The following SPAG9 variants were observed in gnomAD, a reference collection of about 807,000 sequenced individuals.
SPAG9 encodes C-Jun-amino-terminal kinase-interacting protein 4.
Under a neutral mutation model 166.5 loss-of-function variants are expected in SPAG9, and 35 were observed. That is an observed-to-expected ratio of 0.21 (90% CI 0.16 to 0.28). The LOEUF (loss-of-function observed/expected upper bound fraction) is 0.28, where lower values mean the gene tolerates loss of function less well. Among genes scored for constraint, SPAG9 ranks in the 10% least tolerant of loss-of-function variants. The pLI is 1.00. For missense variants in SPAG9, 1,235 were observed against 1,603.3 expected, an observed-to-expected ratio of 0.77 and a Z score of 3.92; for synonymous variants, 534 against 565.5, an observed-to-expected ratio of 0.94 and a Z score of 0.79.
intron 2 of SPAG9, among the ~76,000 whole-genome samples, chr17:51,073,668 A>G (rs1413448360): frequency 1.3e-5 from 2 of 152,148 alleles, no homozygotes; most frequent in Non-Finnish European, 2.9e-5. Flanking sequence ...CTCTGAAGAA[A>G]ATTTAAGATA....
chr17:51,037,662 G>GTT (rs1417055791), intron 5 of SPAG9, among the ~76,000 whole-genome samples: 175 of 59,810 alleles, frequency 2.9e-3, no homozygotes, highest in Middle Eastern at 0.014. Context: ...AAATATATGT[G>GTT]TTTTATATAT....
rs1238790277 is a variant in SPAG9, at chr17:50,998,694, G to A, written c.1665-77C>T. Reference sequence around the variant, plus strand: ...TTGATTTTCCACAAACTTTAATGTTGAAGAAAATTTCAGAGTACTTTTACA... The same window carrying A: ...TTGATTTTCCACAAACTTTAATGTTAAAGAAAATTTCAGAGTACTTTTACA... On this transcript the variant is annotated intron_variant, in intron 14 of 29. Coordinates refer to ENST00000262013, the MANE Select transcript of SPAG9 (RefSeq NM_001130528.3). 2.1e-6 allele frequency: 3 copies of A among 1,409,012 alleles called. No individual in the cohort carries two copies. The African/African-American group carries it at 4.3e-5, about 20-fold the overall frequency. 87.3% of individuals were successfully genotyped at this position (1,409,012 alleles called of 1,614,324 possible). A position where few individuals can be genotyped will look rare whatever the true frequency, so the allele number is the denominator to read the frequency against.
intron 2 of SPAG9, among the ~76,000 whole-genome samples, chr17:51,075,032 A>G (rs2047927018): frequency 6.6e-6 from 1 of 151,702 alleles, no homozygotes; most frequent in Admixed American, 6.6e-5. Flanking sequence ...CCCCATCTCT[A>G]CAAATATACA....
rs765781809 is a variant in SPAG9 at position 50,979,732 on chromosome 17, C to T, written c.3409+14G>A. On this transcript the variant is annotated intron_variant, in intron 26 of 29. Coordinates refer to ENST00000262013, the MANE Select transcript of SPAG9 (RefSeq NM_001130528.3). ...CTCTTTGACTGGTAAAGATAAAACG[C>T]GTTGGAAGCTTACCTAACATTTTGC... 18 of 1,600,972 alleles carry T rather than the reference C, an allele frequency of 1.1e-5. No individual in the cohort carries two copies. The South Asian group carries it at 1.4e-4, about 13-fold the overall frequency.
chr17:51,074,134 G>T (rs1042061193), intron 2 of SPAG9, among the ~76,000 whole-genome samples: 22 of 152,230 alleles, frequency 1.4e-4, no homozygotes, highest in Admixed American at 3.9e-4. Flanking sequence ...TACTCGGGAG[G>T]CTGAGGCAGG....
intron 1 of SPAG9, among the ~76,000 whole-genome samples, chr17:51,111,851 C>A (rs1233167347): frequency 6.6e-6 from 1 of 152,154 alleles, no homozygotes; most frequent in African/African-American, 2.4e-5. Flanking sequence ...CAATCCACCA[C>A]CTCGGCCTCC....
At chr17:50,967,539 C>A (rs999325775) in intron 29 of SPAG9, among the ~76,000 whole-genome samples, 18 of 152,064 alleles carry the variant, frequency 1.2e-4, no homozygotes, top group African/African-American at 4.3e-4. Context: ...CTGAAACATA[C>A]CCAGGTGGTT....
At chr17:51,088,237 C>A (rs1209749608) in intron 1 of SPAG9, among the ~76,000 whole-genome samples, 1 of 152,220 alleles carries the variant, frequency 6.6e-6, no homozygotes, top group Non-Finnish European at 1.5e-5. Context: ...TTAAGCCACA[C>A]ACCTATTCAC....
intron 1 of SPAG9, among the ~76,000 whole-genome samples, chr17:51,094,970 C>T (rs992600903): frequency 1.3e-5 from 2 of 152,166 alleles, no homozygotes; most frequent in African/African-American, 4.8e-5. Flanking sequence ...CTCAAGCACA[C>T]TACTGATCTG....
chr17:50,989,037 A>C (rs901850369), intron 21 of SPAG9, among the ~76,000 whole-genome samples: 1 of 152,122 alleles, frequency 6.6e-6, no homozygotes, highest in African/African-American at 2.4e-5. Flanking sequence ...GAAGACAGTA[A>C]GTACAAAAAA....
intron 16 of SPAG9, chr17:50,996,259 A>G: frequency 4.1e-6 from 1 of 242,990 alleles, no homozygotes; most frequent in South Asian, 1.5e-4. Context: ...GTTTTTTAAA[A>G]AATGAAATCT....
chr17:51,054,116 CTTTTT>C (rs1157639358), intron 3 of SPAG9, among the ~76,000 whole-genome samples: 1 of 73,962 alleles, frequency 1.4e-5, no homozygotes, highest in African/African-American at 5.5e-5. Flanking sequence ...AATGTGAGGG[CTTTTT>C]TTTTTTTTTT....
chr17:51,078,011 T>TC (rs2048065137), intron 2 of SPAG9, among the ~76,000 whole-genome samples: 1 of 151,470 alleles, frequency 6.6e-6, no homozygotes, highest in African/African-American at 2.4e-5. Flanking sequence ...CTCAGGCTGG[T>TC]CTCAAACTCC....
At chr17:50,990,907 C>CTT (rs893608311) in intron 19 of SPAG9, among the ~76,000 whole-genome samples, 16 of 136,930 alleles carry the variant, frequency 1.2e-4, no homozygotes, top group African/African-American at 2.4e-4. Flanking sequence ...AGAAAATAAA[C>CTT]TTTTTTTTTT....
intron 6 of SPAG9, among the ~76,000 whole-genome samples, chr17:51,027,595 T>C (rs2046233623): frequency 6.6e-6 from 1 of 152,186 alleles, no homozygotes; most frequent in Non-Finnish European, 1.5e-5. Flanking sequence ...TCCCATAAGA[T>C]TAAAATGAAG....
intron 28 of SPAG9, among the ~76,000 whole-genome samples, chr17:50,974,351 C>T (rs1402041499): frequency 6.6e-6 from 1 of 152,170 alleles, no homozygotes; most frequent in East Asian, 1.9e-4. Flanking sequence ...GGCCAGACCC[C>T]CAGGCCTCCT....
intron 14 of SPAG9, 118 bp downstream of exon 14, chr17:50,999,543 G>T (rs1390876972): frequency 2.1e-6 from 3 of 1,417,796 alleles, no homozygotes; most frequent in South Asian, 1.3e-5. Flanking sequence ...ATTACCCCTA[G>T]TTTAAAAAAA....
At chr17:51,048,953 T>C (rs2047106537) in intron 3 of SPAG9, among the ~76,000 whole-genome samples, 1 of 152,200 alleles carries the variant, frequency 6.6e-6, no homozygotes, top group Non-Finnish European at 1.5e-5. Flanking sequence ...CTTTCATCTA[T>C]CAGCAAGTCA....
At chr17:50,977,283 A>C in intron 26 of SPAG9, 62 bp from the exon 27 acceptor site, 1 of 1,028,328 alleles carries the variant, frequency 9.7e-7, no homozygotes, top group Non-Finnish European at 1.5e-6. Context: ...TTACATTCCA[A>C]GTTCCTTAGA....
Sources: allele counts gnomAD v4.1 joint callset (sites outside exome capture counted in the v4.1 genomes callset), GRCh38; gene constraint gnomAD v4.1.1; transcripts MANE v1.5; gene names NCBI Gene and HGNC (gene_info 2026-07-23, HGNC 2026-07-21).